The following GRID2 variants were observed in gnomAD, a reference collection of about 807,000 sequenced individuals.
The protein encoded by GRID2 is glutamate receptor ionotropic, delta-2.
A neutral mutation model predicts 114.8 loss-of-function variants in GRID2; 33 were observed. The ratio of observed to expected loss-of-function variants is 0.29; its 90% confidence interval spans 0.22 to 0.38. The LOEUF is 0.38. Ranked by LOEUF, GRID2 falls within the 10% of genes least tolerant of loss-of-function variation. The pLI is 1.00. For missense variants in GRID2, 1,184 were observed against 1,257.7 expected, an observed-to-expected ratio of 0.94 and a Z score of 0.89; for synonymous variants, 505 against 449.9, an observed-to-expected ratio of 1.12 and a Z score of -1.55.
chr4:93,806,494 G>T lies in GRID2; in HGVS notation c.222-221G>T, dbSNP rs567759119. Among the ~76,000 whole-genome samples the T allele has an allele frequency of 1.8e-4, 28 of 152,334 alleles. No homozygotes were observed. In the South Asian group the frequency reaches 5.8e-3, roughly 32 times the overall value. On this transcript the variant is annotated intron_variant, in intron 1 of 1. Transcript: ENST00000637838. ...CCTTGAAACAGGTTCTATTGAACCA[G>T]CAGCCAATATGCTCTGGTTTTTGAC...
intron 1 of GRID2, among the ~76,000 whole-genome samples, chr4:92,385,514 G>T (rs955264920): frequency 6.6e-6 from 1 of 151,186 alleles, no homozygotes; most frequent in African/African-American, 2.4e-5. Context: ...CCATGTTAAC[G>T]CTATGAAAAC....
intron 4 of GRID2, among the ~76,000 whole-genome samples, chr4:93,201,422 C>G (rs1279846992): frequency 6.6e-6 from 1 of 152,182 alleles, no homozygotes; most frequent in Non-Finnish European, 1.5e-5. Flanking sequence ...TCTCTAGCCA[C>G]TTGTTCCAGC....
At chr4:92,619,266 G>T (rs1004127133) in intron 2 of GRID2, among the ~76,000 whole-genome samples, 1 of 151,690 alleles carries the variant, frequency 6.6e-6, no homozygotes, top group African/African-American at 2.4e-5. Flanking sequence ...TGTTTCTTCT[G>T]TGACAGTGCA....
In GRID2 at chr4:92,762,160, C is replaced by G. The variant is rs549178268; in HGVS notation, c.244+171874C>G. ...CATCTCCTGAACTCATGATCCACCC[C>G]CCTCAGCCTCCCAAAGTGCTGAGAT... On this transcript the variant is annotated intron_variant, in intron 2 of 15. Coordinates refer to ENST00000282020, the MANE Select transcript of GRID2 (RefSeq NM_001510.4). Among the ~76,000 whole-genome samples, 407 of 152,112 alleles carry G rather than the reference C, an allele frequency of 2.7e-3. 1 individual carries two copies. Among genetic ancestry groups the G allele is most frequent in the Non-Finnish European group, 3.7e-3 (252 of 67,992 alleles).
intron 2 of GRID2, among the ~76,000 whole-genome samples, chr4:92,951,040 A>T (rs1422416485): frequency 6.6e-6 from 1 of 152,120 alleles, no homozygotes; most frequent in Non-Finnish European, 1.5e-5. Context: ...GAAACTCTTT[A>T]ACCAATTTTC....
chr4:93,044,199 A>G (rs1725904466), intron 2 of GRID2, among the ~76,000 whole-genome samples: 1 of 152,078 alleles, frequency 6.6e-6, no homozygotes, highest in African/African-American at 2.4e-5. Context: ...GTTTATACAA[A>G]TTGTTAGAAT....
At chr4:93,278,157 C>T (rs1398994288) in intron 8 of GRID2, among the ~76,000 whole-genome samples, 2 of 151,366 alleles carry the variant, frequency 1.3e-5, no homozygotes, top group Non-Finnish European at 2.9e-5. Context: ...AGGGAAACAT[C>T]GATAATGATT....
chr4:92,591,783 T>TA (rs1458064716), intron 2 of GRID2, among the ~76,000 whole-genome samples: 3 of 152,136 alleles, frequency 2.0e-5, no homozygotes, highest in African/African-American at 7.2e-5. Context: ...TGGAATGGAG[T>TA]AAAAAATCAT....
chr4:93,288,937 C>A (rs1000288395), intron 8 of GRID2, among the ~76,000 whole-genome samples: 2 of 152,160 alleles, frequency 1.3e-5, no homozygotes, highest in African/African-American at 4.8e-5. Context: ...GAATCTTTCT[C>A]AGTGCTCTAA....
intron 1 of GRID2, among the ~76,000 whole-genome samples, chr4:92,341,106 G>C (rs910176678): frequency 1.2e-4 from 18 of 151,954 alleles, no homozygotes; most frequent in Non-Finnish European, 1.5e-5. Context: ...TACAGTATAT[G>C]GTATACAGTA....
At chr4:92,654,526 T>C (rs556732924) in intron 2 of GRID2, among the ~76,000 whole-genome samples, 1 of 152,090 alleles carries the variant, frequency 6.6e-6, no homozygotes, top group African/African-American at 2.4e-5. Flanking sequence ...TTGAGCCAAT[T>C]TGAGTCAATA....
intron 2 of GRID2, among the ~76,000 whole-genome samples, chr4:92,895,141 A>C (rs1747066334): frequency 6.6e-6 from 1 of 151,880 alleles, no homozygotes; most frequent in African/African-American, 2.4e-5. Context: ...CTAAACTCAG[A>C]GTTATGAAGT....
intron 11 of GRID2, among the ~76,000 whole-genome samples, chr4:93,477,903 G>C (rs1012842501): frequency 6.6e-6 from 1 of 152,024 alleles, no homozygotes. Context: ...ATCAATTTGC[G>C]GTGGGGAATT....
chr4:92,573,405 G>C (rs1465404049), intron 1 of GRID2, among the ~76,000 whole-genome samples: 1 of 152,048 alleles, frequency 6.6e-6, no homozygotes, highest in Non-Finnish European at 1.5e-5. Flanking sequence ...TGTGATGTTA[G>C]AGTGTCAATT....
downstream of GRID2, among the ~76,000 whole-genome samples, chr4:93,777,312 T>C (rs1734388613): frequency 6.6e-6 from 1 of 152,216 alleles, no homozygotes; most frequent in South Asian, 2.1e-4. Context: ...TCAATAGTAT[T>C]CATTTGCTTT....
At chr4:92,922,535 T>A (rs1749451419) in intron 2 of GRID2, among the ~76,000 whole-genome samples, 1 of 152,256 alleles carries the variant, frequency 6.6e-6, no homozygotes, top group East Asian at 1.9e-4. Context: ...AATGTAAAAA[T>A]GAACTGCTCT....
chr4:92,669,636 C>T (rs1455554322), intron 2 of GRID2, among the ~76,000 whole-genome samples: 1 of 151,970 alleles, frequency 6.6e-6, no homozygotes, highest in East Asian at 1.9e-4. Context: ...AGCCATTATA[C>T]ACCTATTCCA....
intron 7 of GRID2, among the ~76,000 whole-genome samples, chr4:93,225,663 T>C (rs1745401414): frequency 6.6e-6 from 1 of 152,148 alleles, no homozygotes; most frequent in African/African-American, 2.4e-5. Context: ...GAGTAAAATA[T>C]AAAACTTTAA....
chr4:92,710,343 T>C (rs1179857937), intron 2 of GRID2, among the ~76,000 whole-genome samples: 3 of 152,214 alleles, frequency 2.0e-5, no homozygotes, highest in East Asian at 1.9e-4. Flanking sequence ...TTGAATCTTA[T>C]TTTGATTATT....
Sources: gnomAD v4.1 joint callset for allele counts (sites outside exome capture counted in the v4.1 genomes callset) on GRCh38, gnomAD v4.1.1 for gene constraint, MANE v1.5 for transcripts, NCBI Gene and HGNC (gene_info 2026-07-23, HGNC 2026-07-21) for gene names.